EPB41L4B: variants seen among roughly 807,000 people sequenced by gnomAD.
The protein encoded by EPB41L4B is band 4.1-like protein 4B.
EPB41L4B carries 30 observed loss-of-function variants against 112.5 expected under a neutral mutation model. That is an observed-to-expected ratio of 0.27 (90% confidence interval 0.20 to 0.36). The LOEUF is 0.36. Among genes scored for constraint, EPB41L4B ranks in the 10% least tolerant of loss-of-function variants. The probability of loss-of-function intolerance (pLI) is 1.00; values close to 1 mark genes in which losing one functional copy is unlikely to be tolerated. For missense variants in EPB41L4B, 1,024 were observed against 1,133.3 expected, an observed-to-expected ratio of 0.90 and a Z score of 1.38; for synonymous variants, 408 against 439.7, an observed-to-expected ratio of 0.93 and a Z score of 0.90.
At chr9:109,187,311 TC>T (rs1366402171) in intron 22 of EPB41L4B, among the ~76,000 whole-genome samples, 9 of 152,172 alleles carry the variant, frequency 5.9e-5, no homozygotes, top group Admixed American at 2.0e-4. Flanking sequence ...AATTGTGCAG[TC>T]CTGGACAATT....
intron 14 of EPB41L4B, 59 bp downstream of exon 14, chr9:109,247,697 T>A (rs1043523207): frequency 8.1e-7 from 1 of 1,241,534 alleles, no homozygotes; most frequent in Non-Finnish European, 1.1e-6. Context: ...AACCTTTTTT[T>A]AAATTTTATT....
intron 15 of EPB41L4B, among the ~76,000 whole-genome samples, chr9:109,226,816 T>C (rs1250847113): frequency 2.7e-5 from 4 of 147,430 alleles, no homozygotes; most frequent in Non-Finnish European, 6.0e-5. Flanking sequence ...ATGAAGAACA[T>C]ATATATATGA....
chr9:109,174,900 A>G (rs929078301), intron 25 of EPB41L4B, among the ~76,000 whole-genome samples: 5 of 141,604 alleles, frequency 3.5e-5, no homozygotes, highest in Non-Finnish European at 6.0e-5. Context: ...CATGGCAGCC[A>G]CTCAGTAAAG....
intron 17 of EPB41L4B, among the ~76,000 whole-genome samples, chr9:109,209,429 G>A (rs1048032568): frequency 4.6e-5 from 7 of 151,936 alleles, no homozygotes; most frequent in Admixed American, 4.6e-4. Flanking sequence ...GGGAGGCCGG[G>A]GCGGGTGGAT....
chr9:109,258,361 C>T (rs1354176204), intron 6 of EPB41L4B, 64 bp from the exon 7 acceptor site: 3 of 1,578,106 alleles, frequency 1.9e-6, no homozygotes, highest in East Asian at 2.3e-5. Context: ...TTGCTGCAAC[C>T]AGGTCCAAAG....
chr9:109,280,716 C>T (rs909753730), intron 1 of EPB41L4B, among the ~76,000 whole-genome samples: 2 of 152,090 alleles, frequency 1.3e-5, no homozygotes, highest in Admixed American at 6.5e-5. Flanking sequence ...GTCACCCAAG[C>T]GGAGCAGACA....
At chr9:109,254,127 G>C (rs1007382008) in intron 11 of EPB41L4B, among the ~76,000 whole-genome samples, 1 of 152,170 alleles carries the variant, frequency 6.6e-6, no homozygotes, top group Non-Finnish European at 1.5e-5. Flanking sequence ...GCCTCTAAGG[G>C]CAACCTCTTC....
At chr9:109,248,721 A>C (rs984508007) in intron 13 of EPB41L4B, among the ~76,000 whole-genome samples, 2 of 152,106 alleles carry the variant, frequency 1.3e-5, no homozygotes, top group African/African-American at 2.4e-5. Context: ...TTGGGATTAT[A>C]GGCATGAGCC....
chr9:109,220,113 C>T (rs981128842), intron 15 of EPB41L4B, among the ~76,000 whole-genome samples: 68 of 152,264 alleles, frequency 4.5e-4, no homozygotes, highest in African/African-American at 1.6e-3. Context: ...TTATTTATTG[C>T]TTGAAGTACT....
intron 1 of EPB41L4B, among the ~76,000 whole-genome samples, chr9:109,314,524 C>T (rs1297728092): frequency 6.6e-6 from 1 of 151,656 alleles, no homozygotes; most frequent in Non-Finnish European, 1.5e-5. Context: ...TGCAGGCCAA[C>T]CCCCGCCCCT....
At chr9:109,294,644 C>G (rs544361543) in intron 1 of EPB41L4B, among the ~76,000 whole-genome samples, 1 of 148,470 alleles carries the variant, frequency 6.7e-6, no homozygotes. Context: ...AATAATTGTT[C>G]GTTTTGTGGA....
intron 2 of EPB41L4B, among the ~76,000 whole-genome samples, chr9:109,276,018 T>A (rs1835800856): frequency 6.7e-6 from 1 of 148,482 alleles, no homozygotes; most frequent in Non-Finnish European, 1.5e-5. Context: ...AGTCTTAGGA[T>A]CTAAATTTAA....
chr9:109,192,720 C>G (rs1035472666), intron 21 of EPB41L4B, among the ~76,000 whole-genome samples: 4 of 152,126 alleles, frequency 2.6e-5, no homozygotes, highest in Admixed American at 2.0e-4. Context: ...AATCCAGGGT[C>G]CTCCAGGAGC....
At chr9:109,228,477 T>C (rs1469563361) in intron 15 of EPB41L4B, among the ~76,000 whole-genome samples, 1 of 152,218 alleles carries the variant, frequency 6.6e-6, no homozygotes, top group Non-Finnish European at 1.5e-5. Context: ...TTTCTCAGTG[T>C]TTTGGGAGAC....
intron 15 of EPB41L4B, among the ~76,000 whole-genome samples, chr9:109,239,411 T>C (rs1564286921): frequency 2.0e-5 from 3 of 152,100 alleles, no homozygotes; most frequent in African/African-American, 4.8e-5. Flanking sequence ...GAAATGTCAG[T>C]CCAAAAGTTC....
chr9:109,205,646 T>G (rs1832969239), intron 18 of EPB41L4B, among the ~76,000 whole-genome samples: 1 of 152,220 alleles, frequency 6.6e-6, no homozygotes, highest in African/African-American at 2.4e-5. Context: ...GGGCTACTAC[T>G]GTTATCTGTA....
At chr9:109,302,637 C>A (rs1244937318) in intron 1 of EPB41L4B, among the ~76,000 whole-genome samples, 4 of 151,910 alleles carry the variant, frequency 2.6e-5, no homozygotes, top group Non-Finnish European at 4.4e-5. Context: ...GTATCCTGAC[C>A]TAGGGGACTA....
chr9:109,186,531 G>T (rs1435295779), intron 22 of EPB41L4B, among the ~76,000 whole-genome samples: 6 of 152,040 alleles, frequency 3.9e-5, no homozygotes, highest in Non-Finnish European at 1.5e-5. Context: ...CTGGAGTGCA[G>T]TCGTGTGATC....
At chr9:109,245,794 G>A (rs1834532226) in intron 14 of EPB41L4B, among the ~76,000 whole-genome samples, 1 of 152,194 alleles carries the variant, frequency 6.6e-6, no homozygotes, top group South Asian at 2.1e-4. Context: ...ACCCTTGATA[G>A]AACACAAGAC....
Sources: allele counts gnomAD v4.1 joint callset (sites outside exome capture counted in the v4.1 genomes callset), GRCh38; gene constraint gnomAD v4.1.1; transcripts MANE v1.5; gene names NCBI Gene and HGNC (gene_info 2026-07-23, HGNC 2026-07-21).